LRFN2: variants seen among roughly 807,000 people sequenced by gnomAD.
LRFN2 encodes leucine rich repeat and fibronectin type III domain containing 2.
In LRFN2, 18 loss-of-function variants were observed where a neutral mutation model predicts 37.3. The ratio of observed to expected loss-of-function variants is 0.48; its 90% CI spans 0.33 to 0.72. The LOEUF is 0.72. Ranked by LOEUF, LRFN2 falls within the 30% of genes least tolerant of loss-of-function variation. LRFN2 has a pLI of 0.02. For missense variants in LRFN2, 1,006 were observed against 1,060.7 expected (o/e 0.95, Z 0.72); for synonymous variants, 556 against 466.6 (o/e 1.19, Z -2.47).
intron 2 of LRFN2, among the ~76,000 whole-genome samples, chr6:40,406,564 T>G (rs1419645031): frequency 1.3e-5 from 2 of 152,224 alleles, no homozygotes; most frequent in East Asian, 3.9e-4. Flanking sequence ...CATCAGCGCC[T>G]CCATAGCAGG....
intron 1 of LRFN2, among the ~76,000 whole-genome samples, chr6:40,518,723 C>T (rs924680969): frequency 6.6e-6 from 1 of 152,184 alleles, no homozygotes; most frequent in African/African-American, 2.4e-5. Flanking sequence ...TCAACCAATA[C>T]ACATATTGAG....
chr6:40,475,769 C>A (rs923259072), intron 1 of LRFN2, among the ~76,000 whole-genome samples: 7 of 152,108 alleles, frequency 4.6e-5, no homozygotes, highest in African/African-American at 1.7e-4. Context: ...TCCAGGCTGA[C>A]AATGCTCCTG....
intron 1 of LRFN2, among the ~76,000 whole-genome samples, chr6:40,464,777 C>T (rs1247752435): frequency 6.6e-6 from 1 of 152,040 alleles, no homozygotes; most frequent in African/African-American, 2.4e-5. Context: ...AGTTATTCAA[C>T]CCCTACTCCA....
chr6:40,434,044 C>T (rs1356395050), intron 1 of LRFN2, among the ~76,000 whole-genome samples: 1 of 152,204 alleles, frequency 6.6e-6, no homozygotes, highest in African/African-American at 2.4e-5. Flanking sequence ...CTGCCCCGCC[C>T]CGCTGCATAG....
intron 1 of LRFN2, among the ~76,000 whole-genome samples, chr6:40,442,173 T>C (rs927291590): frequency 1.3e-5 from 2 of 152,164 alleles, no homozygotes; most frequent in Non-Finnish European, 2.9e-5. Flanking sequence ...GCAACTTCAG[T>C]GCAGGGTCTT....
At chr6:40,527,733 C>T (rs1201391887) in intron 1 of LRFN2, among the ~76,000 whole-genome samples, 2 of 152,176 alleles carry the variant, frequency 1.3e-5, no homozygotes, top group Non-Finnish European at 2.9e-5. Context: ...TTATTTTACT[C>T]ATTAATGATC....
chr6:40,436,110 T>C (rs1170796360), intron 1 of LRFN2, among the ~76,000 whole-genome samples: 2 of 152,230 alleles, frequency 1.3e-5, no homozygotes, highest in African/African-American at 2.4e-5. Context: ...TATCAAAATA[T>C]TATTTCAATA....
intron 1 of LRFN2, among the ~76,000 whole-genome samples, chr6:40,543,424 A>G (rs1766593043): frequency 6.6e-6 from 1 of 152,168 alleles, no homozygotes; most frequent in Non-Finnish European, 1.5e-5. Context: ...GTCTGTGTAC[A>G]CCCAGGTGTC....
intron 1 of LRFN2, among the ~76,000 whole-genome samples, chr6:40,496,571 C>T (rs1044920816): frequency 6.6e-6 from 1 of 152,016 alleles, no homozygotes; most frequent in African/African-American, 2.4e-5. Context: ...TCTTACCCTG[C>T]CCTGGTCTTC....
At chr6:40,480,293 T>C (rs1433308018) in intron 1 of LRFN2, among the ~76,000 whole-genome samples, 2 of 152,156 alleles carry the variant, frequency 1.3e-5, no homozygotes, top group African/African-American at 2.4e-5. Context: ...TCCTTTCTTT[T>C]TTGAGATGAG....
At chr6:40,422,644 G>A (rs928705902) in intron 2 of LRFN2, among the ~76,000 whole-genome samples, 2 of 152,200 alleles carry the variant, frequency 1.3e-5, no homozygotes, top group East Asian at 3.9e-4. Context: ...AAGTTCAGTT[G>A]TGAGATAAGT....
intron 2 of LRFN2, among the ~76,000 whole-genome samples, chr6:40,417,977 T>C (rs1763135055): frequency 6.6e-6 from 1 of 152,162 alleles, no homozygotes; most frequent in Non-Finnish European, 1.5e-5. Flanking sequence ...AGCAGCAGAA[T>C]CTTCTTTCTT....
At chr6:40,579,612 A>AC (rs1767356635) in intron 1 of LRFN2, among the ~76,000 whole-genome samples, 1 of 125,704 alleles carries the variant, frequency 8.0e-6, no homozygotes, top group African/African-American at 3.2e-5. Flanking sequence ...GAACACACAC[A>AC]AACACACACA....
chr6:40,494,352 G>T (rs1432058573), intron 1 of LRFN2, among the ~76,000 whole-genome samples: 1 of 152,142 alleles, frequency 6.6e-6, no homozygotes, highest in Admixed American at 6.5e-5. Flanking sequence ...GTGAGAGCAA[G>T]GGGCTTAGTT....
chr6:40,540,292 G>A (rs1766528712), intron 1 of LRFN2, among the ~76,000 whole-genome samples: 1 of 152,212 alleles, frequency 6.6e-6, no homozygotes, highest in Non-Finnish European at 1.5e-5. Flanking sequence ...TGCTGATTGT[G>A]AGTTGGCCCC....
intron 1 of LRFN2, among the ~76,000 whole-genome samples, chr6:40,467,652 A>G (rs1025878874): frequency 5.9e-5 from 9 of 152,208 alleles, no homozygotes; most frequent in Admixed American, 4.6e-4. Context: ...GGACATCTCC[A>G]TGGCAGGAGA....
intron 1 of LRFN2, among the ~76,000 whole-genome samples, chr6:40,486,624 G>A (rs1764965183): frequency 6.6e-6 from 1 of 152,162 alleles, no homozygotes; most frequent in Admixed American, 6.5e-5. Context: ...TGGTTAGGAT[G>A]AGGCCGCCTC....
intron 1 of LRFN2, among the ~76,000 whole-genome samples, chr6:40,502,000 G>A (rs1765395547): frequency 6.6e-6 from 1 of 152,202 alleles, no homozygotes. Flanking sequence ...GACCCAGAGA[G>A]GGTGTCATCT....
chr6:40,448,671 C>A (rs1764030036), intron 1 of LRFN2, among the ~76,000 whole-genome samples: 1 of 152,192 alleles, frequency 6.6e-6, no homozygotes, highest in Admixed American at 6.5e-5. Flanking sequence ...GGCACTATCT[C>A]CTGACTTGTG....
Sources: allele counts gnomAD v4.1 joint callset (sites outside exome capture counted in the v4.1 genomes callset), GRCh38; gene constraint gnomAD v4.1.1; transcripts MANE v1.5; gene names NCBI Gene and HGNC (gene_info 2026-07-23, HGNC 2026-07-21).